Variants in B4GALT5 observed in about 807,000 individuals in gnomAD.
The protein encoded by B4GALT5 is UDP-Gal:beta-GlcNAc beta-1,4-galactosyltransferase 5.
Under a neutral mutation model 45.0 loss-of-function variants are expected in B4GALT5, and 11 were observed. The observed-to-expected ratio is 0.24, with a 90% confidence interval of 0.15 to 0.40. B4GALT5 has a LOEUF of 0.40. Ranked by LOEUF, B4GALT5 falls within the 10% of genes least tolerant of loss-of-function variation. B4GALT5 has a pLI of 1.00. For missense variants in B4GALT5, 337 were observed against 500.2 expected, an observed-to-expected ratio of 0.67 and a Z score of 3.11; for synonymous variants, 185 against 182.9, an observed-to-expected ratio of 1.01 and a Z score of -0.09.
intron 1 of B4GALT5, among the ~76,000 whole-genome samples, chr20:49,657,362 G>T (rs1029485658): frequency 6.6e-6 from 1 of 152,276 alleles, no homozygotes; most frequent in Non-Finnish European, 1.5e-5. Context: ...CTTAACAAAT[G>T]AGTGTTCAGA....
intron 1 of B4GALT5, among the ~76,000 whole-genome samples, chr20:49,663,443 CA>C (rs11086291): frequency 0.48 from 68,448 of 142,656 alleles, 16,650 homozygotes; most frequent in South Asian, 0.65. Context: ...CATATTTTTA[CA>C]AAAAAAAAAA....
chr20:49,667,536 A>C (rs2085696617), intron 1 of B4GALT5, among the ~76,000 whole-genome samples: 1 of 148,252 alleles, frequency 6.7e-6, no homozygotes, highest in East Asian at 2.0e-4. Context: ...TACAGGTGTG[A>C]GCCACCGCGC....
At chr20:49,702,503 GA>G (rs1281068235) in intron 1 of B4GALT5, among the ~76,000 whole-genome samples, 2 of 152,092 alleles carry the variant, frequency 1.3e-5, no homozygotes, top group Non-Finnish European at 1.5e-5. Context: ...CCACAGAATA[GA>G]AAATATTTGT....
chr20:49,698,697 TC>T (rs2085849440), intron 1 of B4GALT5, among the ~76,000 whole-genome samples: 1 of 152,124 alleles, frequency 6.6e-6, no homozygotes, highest in Non-Finnish European at 1.5e-5. Flanking sequence ...CACCTCCTAG[TC>T]ATCCAGGGAC....
chr20:49,654,552 G>A (rs1343643668), intron 2 of B4GALT5, among the ~76,000 whole-genome samples: 1 of 152,202 alleles, frequency 6.6e-6, no homozygotes, highest in Non-Finnish European at 1.5e-5. Flanking sequence ...AAAGTGGACG[G>A]CAAAGGAAAC....
chr20:49,674,229 C>CA (rs1377796417), intron 1 of B4GALT5, among the ~76,000 whole-genome samples: 3,467 of 63,958 alleles, frequency 0.054, 59 homozygotes, highest in East Asian at 0.15. Context: ...GACTCCATCT[C>CA]AAAAAAAAAA....
chr20:49,666,343 CAGAA>C (rs2085690640), intron 1 of B4GALT5, among the ~76,000 whole-genome samples: 1 of 152,178 alleles, frequency 6.6e-6, no homozygotes, highest in Non-Finnish European at 1.5e-5. Flanking sequence ...TGACCAGAGC[CAGAA>C]AGAATGACAC....
intron 1 of B4GALT5, among the ~76,000 whole-genome samples, chr20:49,707,059 G>T (rs1003509002): frequency 2.6e-5 from 4 of 152,122 alleles, no homozygotes; most frequent in Non-Finnish European, 5.9e-5. Context: ...GGGGGGAGTT[G>T]ATGCTGGAAC....
intron 7 of B4GALT5, 61 bp downstream of exon 7, chr20:49,639,617 A>G (rs2085567515): frequency 6.3e-7 from 1 of 1,587,224 alleles, no homozygotes; most frequent in South Asian, 1.1e-5. Context: ...CCTATCGGAT[A>G]GTATTGGTCT....
chr20:49,651,321 G>C (rs548153014), intron 2 of B4GALT5, among the ~76,000 whole-genome samples: 1 of 151,952 alleles, frequency 6.6e-6, no homozygotes, highest in African/African-American at 2.4e-5. Flanking sequence ...AGGCACAGTG[G>C]CTCACATCTG....
chr20:49,680,280 A>G (rs544698795), intron 1 of B4GALT5, among the ~76,000 whole-genome samples: 2 of 152,342 alleles, frequency 1.3e-5, no homozygotes, highest in African/African-American at 2.4e-5. Flanking sequence ...GTTTTGGAAC[A>G]TAAGGCTGAG....
At chr20:49,670,589 G>C (rs2085711649) in intron 1 of B4GALT5, among the ~76,000 whole-genome samples, 1 of 152,192 alleles carries the variant, frequency 6.6e-6, no homozygotes, top group African/African-American at 2.4e-5. Context: ...CAATTCTATA[G>C]CAAAAAGTTG....
At chr20:49,693,732 G>C (rs991466649) in intron 1 of B4GALT5, among the ~76,000 whole-genome samples, 2 of 152,200 alleles carry the variant, frequency 1.3e-5, no homozygotes, top group Non-Finnish European at 2.9e-5. Flanking sequence ...GTGCGCTTAT[G>C]CTCAGGTGAC....
chr20:49,660,368 T>C (rs2085660332), intron 1 of B4GALT5, among the ~76,000 whole-genome samples: 1 of 152,212 alleles, frequency 6.6e-6, no homozygotes, highest in Admixed American at 6.5e-5. Flanking sequence ...AGAAGAGAGA[T>C]GTTTAGTTAT....
At chr20:49,672,478 A>G (rs907665768) in intron 1 of B4GALT5, among the ~76,000 whole-genome samples, 1 of 152,224 alleles carries the variant, frequency 6.6e-6, no homozygotes, top group Non-Finnish European at 1.5e-5. Context: ...TCTTTTGCAT[A>G]TATCAACTTG....
chr20:49,656,749 A>C (rs1439585975), intron 1 of B4GALT5, 47 bp from the exon 2 acceptor site: 19 of 1,612,382 alleles, frequency 1.2e-5, no homozygotes, highest in Non-Finnish European at 1.5e-5. Context: ...AGAAGCAATC[A>C]TTTAAAAAAA....
At chr20:49,672,038 G>T (rs900359006) in intron 1 of B4GALT5, among the ~76,000 whole-genome samples, 2 of 151,994 alleles carry the variant, frequency 1.3e-5, no homozygotes, top group Admixed American at 1.3e-4. Flanking sequence ...TGATCCTAAA[G>T]CTCTTGGTGC....
chr20:49,636,462 G>T lies in B4GALT5; in HGVS notation c.1020-3C>A. On this transcript the variant is annotated splice_polypyrimidine_tract_variant and splice_region_variant and intron_variant, in intron 8 of 8. Transcript: ENST00000371711. ...TTGACTTCCTCAGCAGAGCATACCT[G>T]TTTAGGGAGGGAACAGAGAAGAGGT... 3 of 1,614,016 alleles carry T rather than the reference G, an allele frequency of 1.9e-6. No individual in the cohort carries two copies. The highest frequency in any genetic ancestry group is 2.5e-6 in the Non-Finnish European group (3 of 1,179,930).
At chr20:49,709,981 T>C (rs572898664) in intron 1 of B4GALT5, among the ~76,000 whole-genome samples, 2 of 152,354 alleles carry the variant, frequency 1.3e-5, no homozygotes, top group African/African-American at 4.8e-5. Flanking sequence ...CCTTTGCTCT[T>C]AGAATACGGG....
Sources: gnomAD v4.1 joint callset for allele counts (sites outside exome capture counted in the v4.1 genomes callset) on GRCh38, gnomAD v4.1.1 for gene constraint, MANE v1.5 for transcripts, NCBI Gene and HGNC (gene_info 2026-07-23, HGNC 2026-07-21) for gene names.